Variants in PFAS observed in about 807,000 individuals in gnomAD.
PFAS encodes the protein FGAM synthase.
Under a neutral mutation model 140.6 loss-of-function variants are expected in PFAS, and 97 were observed. The observed-to-expected ratio is 0.69, with a 90% CI of 0.59 to 0.82. PFAS has a LOEUF of 0.82. Ranked by LOEUF, PFAS falls within the 40% of genes least tolerant of loss-of-function variation. The pLI is 0.00. For missense variants in PFAS, 1,656 were observed against 1,780.2 expected (o/e 0.93, Z 1.26); for synonymous variants, 679 against 718.8 (o/e 0.94, Z 0.88).
Position 8,269,470 on chromosome 17 carries a change from A to G in PFAS, c.*206A>G. On this transcript the variant is annotated 3_prime_UTR_variant, in exon 28 of 28. Transcript: ENST00000314666. ...TGTCTATTTTCAGTTCTGCTCTAAC[A>G]TGGCATGCCCTTTCTCAGCCCAGGA... is the stretch of plus-strand genomic sequence containing the variant. 1 of 555,502 alleles carries G rather than the reference A, an allele frequency of 1.8e-6. No homozygotes were observed. Among genetic ancestry groups the G allele is most frequent in the Non-Finnish European group, 3.2e-6 (1 of 312,488 alleles). The allele number at this position is 555,502 out of a possible 1,614,324, so 34.4% of individuals were successfully genotyped here.
chr17:8,260,821 T>A (rs928025165), intron 11 of PFAS, among the ~76,000 whole-genome samples: 2 of 152,168 alleles, frequency 1.3e-5, no homozygotes, highest in East Asian at 3.9e-4. Context: ...AGACGGGGTT[T>A]TGCCGTGTTA....
rs753496976 is a variant in PFAS at position 8,256,362 on chromosome 17, A to C, written c.776A>C (p.Glu259Ala). The stretch of plus-strand genomic sequence containing the variant: ...TTTGAGTCCATCATGAGCACCCAGG[A>C]ATCCTCGAACCCCAACAACGTCCTC... Reference protein sequence around the residue: ...SLFESIMSTQESSNPNNVLKF... With the variant: ...SLFESIMSTQASSNPNNVLKF... The change falls in exon 7 of 28, where the codon GAA becomes GCA. Residue 259 changes from glutamate to alanine, a missense_variant. By Grantham distance (107) the Glu-to-Ala change is moderately radical. Around this residue, in one of 2 missense-constraint regions of PFAS, gnomAD observed 773 missense variants for 757.3 expected, o/e 1.02. Transcript: ENST00000314666. The C allele has an allele frequency of 5.6e-6, 9 of 1,614,108 alleles. No homozygotes were observed. Among genetic ancestry groups the C allele is most frequent in the African/African-American group, 1.3e-5 (1 of 75,064 alleles).
chr17:8,265,342 G>A lies in PFAS; in HGVS notation c.2335G>A (p.Ala779Thr), dbSNP rs752806846. ...GGCAGCCAAGCTCCCAGGGGAGGGC[G>A]CAGCTTTGGCGGATGCCTGTGAGGC... ...MWAAKLPGEG[A>T]ALADACEAMV... is the part of the protein sequence containing the mutation. Residue 779 changes from alanine to threonine, a missense_variant, in exon 19 of 28, where the codon GCA becomes ACA. Physicochemically the swap from Ala to Thr is moderately conservative, Grantham distance 58. Coordinates refer to ENST00000314666, the MANE Select transcript of PFAS (RefSeq NM_012393.3). 3.1e-6 allele frequency: 5 copies of A among 1,614,176 alleles called. No individual in the cohort carries two copies. The highest frequency in any genetic ancestry group is 1.7e-5 in the Admixed American group (1 of 60,028).
chr17:8,255,704 G>T lies in PFAS; in HGVS notation c.574+13G>T. 6.3e-7 allele frequency: 1 copy of T among 1,590,046 alleles called. No homozygotes were observed. The highest frequency in any genetic ancestry group is 8.6e-7 in the Non-Finnish European group (1 of 1,168,816). ...AACCAGGAGCTTGGTGAGTAGCTGGGGAGGGAGATGTAGGGTCCAGGATAG... is the reference window on the plus strand; with the variant it reads ...AACCAGGAGCTTGGTGAGTAGCTGGTGAGGGAGATGTAGGGTCCAGGATAG... On this transcript the variant is annotated intron_variant, in intron 5 of 27. Coordinates refer to ENST00000314666, the MANE Select transcript of PFAS (RefSeq NM_012393.3).
At position 8,269,186 on chromosome 17, in the gene PFAS, A is replaced by C; in HGVS notation, c.3939A>C (p.Pro1313=). 1 of 1,613,648 alleles carries C rather than the reference A, an allele frequency of 6.2e-7. No homozygotes were observed. The highest frequency in any genetic ancestry group is 8.5e-7 in the Non-Finnish European group (1 of 1,179,972). Residue 1313 remains proline, a synonymous_variant, in exon 28 of 28, where the codon CCA becomes CCC. Coordinates refer to ENST00000314666, the MANE Select transcript of PFAS (RefSeq NM_012393.3). The part of the protein sequence containing the change: ...RPWQWAWRPP[P]FDTLTTSPWL... ...GGCAGTGGGCATGGCGACCCCCTCC[A>C]TTTGATACTCTGACCACCTCCCCCT...
chr17:8,269,988 C>T lies in PFAS; in HGVS notation c.*724C>T, dbSNP rs1056637091. The stretch of plus-strand genomic sequence containing the variant: ...TGCCTCCTGGGTTCAAGCAATTTTC[C>T]TGCCTCAGCCTCCCGAGTAGCTGGG... On this transcript the variant is annotated 3_prime_UTR_variant, in exon 28 of 28. Transcript: ENST00000314666. 6.6e-6 allele frequency: 1 copy of T among 152,028 alleles called. No homozygotes were observed. The highest frequency in any genetic ancestry group is 1.5e-5 in the Non-Finnish European group (1 of 68,148). The allele number at this position is 152,028 out of a possible 1,614,324, so 9.4% of individuals were successfully genotyped here.
intron 20 of PFAS, 60 bp downstream of exon 20, chr17:8,265,699 C>T: frequency 2.7e-6 from 4 of 1,489,968 alleles, no homozygotes; most frequent in Non-Finnish European, 2.8e-6. Flanking sequence ...TTGGCTCCTG[C>T]TTTGTGAGTG....
chr17:8,253,911 T>C lies in PFAS; in HGVS notation c.-27T>C. The C allele has an allele frequency of 6.3e-7, 1 of 1,597,180 alleles. No homozygotes were observed. Among genetic ancestry groups the C allele is most frequent in the Non-Finnish European group, 8.6e-7 (1 of 1,169,540 alleles). On this transcript the variant is annotated 5_prime_UTR_variant, in exon 2 of 28. Coordinates refer to ENST00000314666, the MANE Select transcript of PFAS (RefSeq NM_012393.3). ...ACACATCTCTCCAGCAAAGGACACC[T>C]CTCTCCAGCAAAGGACACCTGCAGA...
intron 20 of PFAS, 105 bp from the exon 21 acceptor site, chr17:8,265,757 T>A: frequency 7.5e-7 from 1 of 1,335,394 alleles, no homozygotes; most frequent in Non-Finnish European, 1.1e-6. Context: ...TGGGACTGAT[T>A]GTCTAGGTGT....
At chr17:8,247,820 T>A, upstream of PFAS, 1 of 627,882 alleles carries the variant, frequency 1.6e-6, no homozygotes, top group Middle Eastern at 3.4e-4. Flanking sequence ...GGGCGCCGCG[T>A]GAATGAGGGA....
Position 8,256,405 on chromosome 17 carries a change from C to G in PFAS, c.819C>G (p.Ser273Arg), listed in dbSNP as rs1323229429. 7 of 1,614,074 alleles carry G rather than the reference C, an allele frequency of 4.3e-6. No homozygotes were observed. Among genetic ancestry groups the G allele is most frequent in the Non-Finnish European group, 5.9e-6 (7 of 1,180,022 alleles). The stretch of plus-strand genomic sequence containing the variant: ...ACGTCCTCAAATTCTGTGATAACAG[C>G]AGGTGCTGTGCCCTAGACTGGGTTG... Reference protein sequence around the residue: ...PNNVLKFCDNSSAIQGKEVRF... With the variant: ...PNNVLKFCDNRSAIQGKEVRF... The change falls in exon 7 of 28, where the codon AGC becomes AGG. Residue 273 changes from serine (S) to arginine (R), a missense_variant and splice_region_variant. Physicochemically the swap from Ser to Arg is moderately radical, Grantham distance 110. Transcript: ENST00000314666.
At chr17:8,254,422 C>G in intron 3 of PFAS, 121 bp downstream of exon 3, 7 of 1,156,032 alleles carry the variant, frequency 6.1e-6, no homozygotes, top group Non-Finnish European at 8.8e-6. Context: ...CACACATGTG[C>G]TTTCCCCATT....
At chr17:8,264,642 C>T (rs1989737581) in intron 17 of PFAS, 41 bp downstream of exon 17, 1 of 1,557,782 alleles carries the variant, frequency 6.4e-7, no homozygotes, top group African/African-American at 1.4e-5. Context: ...CCTCCTTCCT[C>T]CGCTCAGCCT....
At position 8,268,667 on chromosome 17, in the gene PFAS, G is replaced by C. The variant is rs1448699383; in HGVS notation, c.3517G>C (p.Asp1173His). The C allele has an allele frequency of 4.3e-6, 7 of 1,613,510 alleles. No homozygotes were observed. The highest frequency in any genetic ancestry group is 5.9e-6 in the Non-Finnish European group (7 of 1,180,004). ...LLALLGWVGG[D>H]PNEDAAEMGP... The stretch of plus-strand genomic sequence containing the variant: ...GGCTCTGCTCGGCTGGGTGGGAGGC[G>C]ACCCCAATGAGGATGCTGCAGAGAT... Residue 1173 changes from aspartate (D) to histidine (H), a missense_variant, in exon 27 of 28, where the codon GAC becomes CAC. Coordinates refer to ENST00000314666, the MANE Select transcript of PFAS (RefSeq NM_012393.3).
chr17:8,262,021 A>G (rs1308195185), intron 11 of PFAS, among the ~76,000 whole-genome samples: 1 of 152,056 alleles, frequency 6.6e-6, no homozygotes, highest in Admixed American at 6.6e-5. Flanking sequence ...ATCTCAAAAA[A>G]AAAAAAAGTT....
At position 8,254,008 on chromosome 17, in the gene PFAS, G is replaced by A; in HGVS notation, c.71G>A (p.Arg24Lys). ...HEGAAPGHTRRKLQGKLPELQ... is the reference protein window; with the variant it reads ...HEGAAPGHTRKKLQGKLPELQ... ...GGGGCAGCCCCTGGACACACTCGGAGGAAACTGCAAGGGAAACTGCCAGAG... is the reference window on the plus strand; with the variant it reads ...GGGGCAGCCCCTGGACACACTCGGAAGAAACTGCAAGGGAAACTGCCAGAG... The change falls in exon 2 of 28, where the codon AGG becomes AAG. Residue 24 changes from arginine (R) to lysine (K), a missense_variant. Physicochemically the swap from Arg to Lys is conservative, Grantham distance 26. Around this residue, in one of 2 missense-constraint regions of PFAS, gnomAD observed 773 missense variants for 757.3 expected, o/e 1.02. Coordinates refer to ENST00000314666, the MANE Select transcript of PFAS (RefSeq NM_012393.3). 1.9e-6 allele frequency: 3 copies of A among 1,614,078 alleles called. No homozygotes were observed. The highest frequency in any genetic ancestry group is 2.5e-6 in the Non-Finnish European group (3 of 1,179,966).
chr17:8,250,537 A>G (rs1989110014), intron 1 of PFAS, among the ~76,000 whole-genome samples: 2 of 152,202 alleles, frequency 1.3e-5, no homozygotes, highest in Non-Finnish European at 1.5e-5. Flanking sequence ...GGATGATGGT[A>G]GTGTTTACTG....
intron 11 of PFAS, among the ~76,000 whole-genome samples, chr17:8,261,554 T>C (rs988712685): frequency 3.9e-5 from 6 of 152,054 alleles, no homozygotes; most frequent in African/African-American, 1.4e-4. Context: ...TGTTTTCGTA[T>C]GCTAGTTAGC....
Position 8,263,176 on chromosome 17 carries a change from A to G in PFAS, c.1478A>G (p.Gln493Arg). The G allele has an allele frequency of 1.2e-6, 2 of 1,614,058 alleles. No homozygotes were observed. The highest frequency in any genetic ancestry group is 2.2e-5 in the South Asian group (2 of 91,078). ...AVQRGDPEMEQKMNRVIRACV... is the reference protein window; with the variant it reads ...AVQRGDPEMERKMNRVIRACV... ...CAGCGAGGAGACCCGGAGATGGAAC[A>G]GAAGATGAACCGTGTGATCAGGGCT... Residue 493 changes from glutamine (Q) to arginine (R), a missense_variant, in exon 13 of 28, where the codon CAG (glutamine) becomes CGG (arginine). Around this residue, in one of 2 missense-constraint regions of PFAS, gnomAD observed 773 missense variants for 757.3 expected, o/e 1.02. Coordinates refer to ENST00000314666, the MANE Select transcript of PFAS (RefSeq NM_012393.3).
Sources: gnomAD v4.1 joint callset for allele counts (sites outside exome capture counted in the v4.1 genomes callset) on GRCh38, gnomAD v4.1.1 for gene constraint, gnomAD v4.1.1 regional missense constraint, MANE v1.5 for transcripts, NCBI Gene and HGNC (gene_info 2026-07-23, HGNC 2026-07-21) for gene names.